PPL: variants seen among roughly 807,000 people sequenced by gnomAD.
PPL encodes 190 kDa paraneoplastic pemphigus antigen.
Under a neutral mutation model 194.4 loss-of-function variants are expected in PPL, and 198 were observed. That is an observed-to-expected ratio of 1.02 (90% CI 0.91 to 1.15). The LOEUF (loss-of-function observed/expected upper bound fraction) is 1.15. PPL is among the 50% of genes most tolerant of loss of function. The pLI, the probability that PPL is intolerant of heterozygous loss-of-function variation, is 0.00. For synonymous variants in PPL, 1,220 were observed against 972.4 expected, an observed-to-expected ratio of 1.25 and a Z score of -4.74; for missense variants, 2,885 against 2,294.8, an observed-to-expected ratio of 1.26 and a Z score of -5.25.
At chr16:4,890,651 C>T (rs1049320197) in intron 17 of PPL, 77 bp downstream of exon 17, 16 of 1,467,376 alleles carry the variant, frequency 1.1e-5, no homozygotes, top group African/African-American at 7.1e-5. Context: ...CTGTGGGACA[C>T]GGCTAAAGCA....
chr16:4,901,026 G>C lies in PPL; in HGVS notation c.502C>G (p.His168Asp). 1 of 1,614,178 alleles carries C rather than the reference G, an allele frequency of 6.2e-7. No individual in the cohort carries two copies. Among genetic ancestry groups the C allele is most frequent in the East Asian group, 2.2e-5 (1 of 44,866 alleles). Residue 168 changes from histidine to aspartate, a missense_variant, in exon 5 of 22, where the codon CAT becomes GAT. By Grantham distance (81) the His-to-Asp change is moderately conservative. Transcript: ENST00000345988. ...TTGACCTCATTGTGGAAGATGTTAT[G>C]CTCCTCCACTTGGTGGTCCACCAGC... ...LPLVDHQVEE[H>D]NIFHNEVKAI...
In PPL at chr16:4,890,241, G is replaced by A. The variant is rs773219582; in HGVS notation, c.2256C>T (p.Tyr752=). The A allele has an allele frequency of 2.2e-5, 35 of 1,614,178 alleles. No individual in the cohort carries two copies. Among genetic ancestry groups the A allele is most frequent in the Middle Eastern group, 1.7e-4 (1 of 6,054 alleles). Residue 752 remains tyrosine, a synonymous_variant, in exon 18 of 22, where the codon TAC becomes TAT. Transcript: ENST00000345988. ...VLQFLVSIPS[Y]EPQETDSLSQ... ...TGAGGCTGTCTGTCTCCTGGGGCTC[G>A]TAACTGGGGATGCTGACTAGGAACT...
At position 4,910,954 on chromosome 16, in the gene PPL, G is replaced by A. The variant is rs189380553; in HGVS notation, c.63-5C>T. 2.2e-3 allele frequency: 3,514 copies of A among 1,610,706 alleles called. 4 individuals carry two copies. Among genetic ancestry groups the A allele is most frequent in the Admixed American group, 4.1e-3 (243 of 59,988 alleles). On this transcript the variant is annotated splice_polypyrimidine_tract_variant and splice_region_variant and intron_variant, in intron 1 of 21. Coordinates refer to ENST00000345988, the MANE Select transcript of PPL (RefSeq NM_002705.5). Reference sequence around the variant, plus strand: ...GAGAGCTCCTTGTTAGAGATGCTGCGGGCAGAAGCCGAGGGGAGATGGGCG... The same window carrying A: ...GAGAGCTCCTTGTTAGAGATGCTGCAGGCAGAAGCCGAGGGGAGATGGGCG...
intron 20 of PPL, among the ~76,000 whole-genome samples, 161 bp from the exon 21 acceptor site, chr16:4,887,388 C>T (rs907691331): frequency 6.6e-5 from 10 of 152,074 alleles, no homozygotes; most frequent in African/African-American, 2.2e-4. Context: ...GTAGCCTCAC[C>T]GGTGGAGAGA....
chr16:4,895,149 C>G, intron 11 of PPL, 112 bp downstream of exon 11: 1 of 1,337,742 alleles, frequency 7.5e-7, no homozygotes. Context: ...AGAGTGACAC[C>G]AACCACGGAG....
chr16:4,937,007 G>A lies in PPL; in HGVS notation c.39C>T (p.Tyr13=). Residue 13 remains tyrosine (Y), a synonymous_variant, in exon 1 of 22, where the codon TAC becomes TAT. Coordinates refer to ENST00000345988, the MANE Select transcript of PPL (RefSeq NM_002705.5). ...SLFRKRNKGK[Y]SPTVQTRSIS... ...ACCTCCGGGTCTGCACAGTGGGGCT[G>A]TATTTGCCTTTGTTTCTCTTCCTGA... 2.6e-6 allele frequency: 4 copies of A among 1,541,542 alleles called. No homozygotes were observed. The highest frequency in any genetic ancestry group is 1.7e-6 in the Non-Finnish European group (2 of 1,143,286).
intron 1 of PPL, among the ~76,000 whole-genome samples, chr16:4,914,559 C>G (rs1366574312): frequency 1.3e-5 from 2 of 152,176 alleles, no homozygotes; most frequent in Admixed American, 6.5e-5. Context: ...GGGAACAGGA[C>G]CCAAGCCATA....
rs148404750 is a variant in PPL at position 4,889,010 on chromosome 16, C to G, written c.2365G>C (p.Ala789Pro). ...GCTTGCTGGTACTGCTGGGAATTGG[C>G]ACAGATCTTCTGTACTTCCTGCTCC... Reference protein sequence around the residue: ...SREQEVQKICANSQQYQQAVK... With the variant: ...SREQEVQKICPNSQQYQQAVK... The change falls in exon 19 of 22, where the codon GCC (alanine) becomes CCC (proline). Residue 789 changes from alanine to proline, a missense_variant. By Grantham distance (27) the Ala-to-Pro change is conservative. Transcript: ENST00000345988. The G allele has an allele frequency of 6.2e-7, 1 of 1,613,532 alleles. No individual in the cohort carries two copies. The highest frequency in any genetic ancestry group is 8.5e-7 in the Non-Finnish European group (1 of 1,179,910).
rs1355281924 is a variant in PPL, at chr16:4,894,092, C to T, written c.1394+375G>A. ...CATACGCTAGTCACTTAATAAAAAG[C>T]GGTGCGTGCAGTGGAAGAAGGTGCC... On this transcript the variant is annotated intron_variant, in intron 12 of 21. Coordinates refer to ENST00000345988, the MANE Select transcript of PPL (RefSeq NM_002705.5). 3.9e-5 allele frequency among the ~76,000 whole-genome samples: 6 copies of T among 152,264 alleles called. No homozygotes were observed. The East Asian group carries it at 1.2e-3, about 29-fold the overall frequency.
intron 16 of PPL, 143 bp downstream of exon 16, chr16:4,891,668 C>G: frequency 9.6e-7 from 1 of 1,039,286 alleles, no homozygotes; most frequent in Non-Finnish European, 1.4e-6. Context: ...CTGTGGGCCT[C>G]CATTTGCAGT....
At chr16:4,911,266 A>G (rs1034945029) in intron 1 of PPL, among the ~76,000 whole-genome samples, 1 of 141,406 alleles carries the variant, frequency 7.1e-6, no homozygotes, top group Admixed American at 7.7e-5. Context: ...GGTTCAAATG[A>G]TTCTCATGCC....
chr16:4,899,128 G>C lies in PPL; in HGVS notation c.769-8C>G. On this transcript the variant is annotated splice_polypyrimidine_tract_variant and splice_region_variant and intron_variant, in intron 7 of 21. Transcript: ENST00000345988. ...GTTCCGGTTGATGAAATTCTGCAGT[G>C]GGGGGCAGTGGAGGGGCCTCAGTGC... 7 of 1,613,368 alleles carry C rather than the reference G, an allele frequency of 4.3e-6. No homozygotes were observed. The highest frequency in any genetic ancestry group is 2.2e-5 in the South Asian group (2 of 91,082).
chr16:4,927,904 C>G (rs1381193986), intron 1 of PPL, among the ~76,000 whole-genome samples: 1 of 152,154 alleles, frequency 6.6e-6, no homozygotes, highest in African/African-American at 2.4e-5. Context: ...GTCTTGAAGA[C>G]AGGGCAACAC....
chr16:4,889,241 G>GTTGTTTTTTTTT (rs2088274147), intron 18 of PPL, among the ~76,000 whole-genome samples, 180 bp from the exon 19 acceptor site: 2 of 66,636 alleles, frequency 3.0e-5, no homozygotes, highest in Non-Finnish European at 5.0e-5. Context: ...TGTTGTTGTT[G>GTTGTTTTTTTTT]TTTTTTTTTT....
At chr16:4,932,563 G>A (rs187571684) in intron 1 of PPL, among the ~76,000 whole-genome samples, 98 of 151,934 alleles carry the variant, frequency 6.5e-4, no homozygotes, top group African/African-American at 2.2e-3. Context: ...ACAGGTTTCC[G>A]CCACCACACC....
intron 18 of PPL, among the ~76,000 whole-genome samples, chr16:4,889,330 C>T (rs541350071): frequency 9.2e-4 from 131 of 142,876 alleles, no homozygotes; most frequent in Non-Finnish European, 1.4e-3. Flanking sequence ...TCTCAGCTCA[C>T]TGCAGCCTTA....
Position 4,883,873 on chromosome 16 carries a change from T to G in PPL, c.4782A>C (p.Arg1594=), listed in dbSNP as rs762728814. 1.2e-6 allele frequency: 2 copies of G among 1,614,078 alleles called. No individual in the cohort carries two copies. The highest frequency in any genetic ancestry group is 1.7e-6 in the Non-Finnish European group (2 of 1,180,032). Residue 1594 remains arginine, a synonymous_variant, in exon 22 of 22, where the codon CGA becomes CGC. Coordinates refer to ENST00000345988, the MANE Select transcript of PPL (RefSeq NM_002705.5). This position sits in a 1 kb window ranked among gnomAD's most constrained non-coding sequence, Gnocchi z 4.8. ...CCGCCACGGTCATGTTCCGCAGGTCTCGTGTTTCCGTCGCTGCCATGTTGA... is the reference window on the plus strand; with the variant it reads ...CCGCCACGGTCATGTTCCGCAGGTCGCGTGTTTCCGTCGCTGCCATGTTGA... ...SEINMAATET[R]DLRNMTVADS... is the part of the protein sequence containing the mutation.
intron 11 of PPL, among the ~76,000 whole-genome samples, 194 bp downstream of exon 11, chr16:4,895,067 C>G (rs765634774): frequency 6.6e-6 from 1 of 152,218 alleles, no homozygotes; most frequent in African/African-American, 2.4e-5. Context: ...GCTGGTGGAA[C>G]ACAAGGCCAG....
In PPL at chr16:4,899,087, C is replaced by T; in HGVS notation, c.802G>A (p.Glu268Lys). 1 of 1,607,904 alleles carries T rather than the reference C, an allele frequency of 6.2e-7. No homozygotes were observed. The highest frequency in any genetic ancestry group is 8.5e-7 in the Non-Finnish European group (1 of 1,177,300). ...FINRNLEAKEERINKLHSEGD... is the reference protein window; with the variant it reads ...FINRNLEAKEKRINKLHSEGD... ...TCGCTGTGCAGTTTGTTGATTCTCT[C>T]CTCTTTGGCCTCCAGGTTCCGGTTG... The change falls in exon 8 of 22, where the codon GAG becomes AAG. Residue 268 changes from glutamate to lysine, a missense_variant. Coordinates refer to ENST00000345988, the MANE Select transcript of PPL (RefSeq NM_002705.5).
Sources: allele counts gnomAD v4.1 joint callset (sites outside exome capture counted in the v4.1 genomes callset), GRCh38; gene constraint gnomAD v4.1.1; non-coding constraint Gnocchi (gnomAD v3.1); transcripts MANE v1.5; gene names NCBI Gene and HGNC (gene_info 2026-07-23, HGNC 2026-07-21).